The following GLCCI1 variants were observed in gnomAD, a reference collection of about 807,000 sequenced individuals.
GLCCI1 encodes glucocorticoid-induced transcript 1 protein.
Under a neutral mutation model 52.2 loss-of-function variants are expected in GLCCI1, and 24 were observed. The ratio of observed to expected loss-of-function variants is 0.46; its 90% CI spans 0.33 to 0.65. The LOEUF is 0.65. Ranked by LOEUF, GLCCI1 falls within the 30% of genes least tolerant of loss-of-function variation. GLCCI1 has a pLI of 0.02. For synonymous variants in GLCCI1, 310 were observed against 276.5 expected (o/e 1.12, Z -1.20); for missense variants, 704 against 701.5 (o/e 1.00, Z -0.04).
chr7:8,081,034 T>G (rs1451377928), intron 6 of GLCCI1, among the ~76,000 whole-genome samples: 1 of 152,110 alleles, frequency 6.6e-6, no homozygotes, highest in African/African-American at 2.4e-5. Context: ...TATTTTCTAT[T>G]TTATAGATAA....
intron 6 of GLCCI1, among the ~76,000 whole-genome samples, chr7:8,082,682 CA>C (rs1004472854): frequency 1.3e-4 from 20 of 152,292 alleles, no homozygotes; most frequent in Non-Finnish European, 2.4e-4. Context: ...TTAATACCCC[CA>C]AAAAAAGCAG....
Position 8,039,190 on chromosome 7 carries a change from A to G in GLCCI1, c.697-16243A>G, listed in dbSNP as rs544362501. Among the ~76,000 whole-genome samples, 13 of 152,320 alleles carry G rather than the reference A, an allele frequency of 8.5e-5. No individual in the cohort carries two copies. The East Asian group carries it at 2.5e-3, about 29-fold the overall frequency. ...CTACAACCTCTATGCAAAAATATGG[A>G]GATTTCTCACAGAACTAAAAATAGA... On this transcript the variant is annotated intron_variant, in intron 3 of 7. Coordinates refer to ENST00000223145, the MANE Select transcript of GLCCI1 (RefSeq NM_138426.4).
chr7:7,969,813 G>T lies in GLCCI1; in HGVS notation c.457+6G>T. 1 of 1,454,634 alleles carries T rather than the reference G, an allele frequency of 6.9e-7. No homozygotes were observed. The highest frequency in any genetic ancestry group is 1.3e-5 in the South Asian group (1 of 79,440). 90.1% of individuals were successfully genotyped at this position (1,454,634 alleles called of 1,614,324 possible). The stretch of plus-strand genomic sequence containing the variant: ...CGGCTCGCCCGTGTGCAGAGGTAGC[G>T]AGCCCAACCCTCCCGTCCTCCCGGG... On this transcript the variant is annotated splice_donor_region_variant and intron_variant, in intron 1 of 7. Coordinates refer to ENST00000223145, the MANE Select transcript of GLCCI1 (RefSeq NM_138426.4). The surrounding 1 kb of genome is among the most constrained non-coding windows in gnomAD (Gnocchi z 4.9).
chr7:7,971,235 C>G (rs899613369), intron 1 of GLCCI1, among the ~76,000 whole-genome samples: 2 of 152,186 alleles, frequency 1.3e-5, no homozygotes, highest in Non-Finnish European at 2.9e-5. Flanking sequence ...CATCCTCCAG[C>G]AAATCCTGAA....
chr7:7,988,125 GC>G (rs1459347569), intron 1 of GLCCI1, among the ~76,000 whole-genome samples: 6 of 152,082 alleles, frequency 3.9e-5, no homozygotes, highest in African/African-American at 1.4e-4. Flanking sequence ...TCTCCATATG[GC>G]CCCAAATCCC....
chr7:8,008,453 C>A (rs1008573475), intron 2 of GLCCI1, among the ~76,000 whole-genome samples: 1 of 151,930 alleles, frequency 6.6e-6, no homozygotes, highest in Non-Finnish European at 1.5e-5. Flanking sequence ...CCTGCCATCA[C>A]GTCCAGCTAA....
At chr7:8,065,185 T>TG (rs1171406692) in intron 5 of GLCCI1, among the ~76,000 whole-genome samples, 2 of 152,214 alleles carry the variant, frequency 1.3e-5, no homozygotes, top group Non-Finnish European at 2.9e-5. Context: ...AATGTGATTG[T>TG]GTTCTGTATT....
At chr7:8,016,456 G>A (rs1324470275) in intron 2 of GLCCI1, among the ~76,000 whole-genome samples, 2 of 152,088 alleles carry the variant, frequency 1.3e-5, no homozygotes, top group East Asian at 1.9e-4. Context: ...ACGACAGAGC[G>A]AGACTCCATC....
At chr7:8,015,710 A>G (rs1232122824) in intron 2 of GLCCI1, among the ~76,000 whole-genome samples, 5 of 152,360 alleles carry the variant, frequency 3.3e-5, no homozygotes, top group Non-Finnish European at 4.4e-5. Context: ...ATTTTAACCC[A>G]TAACTAAAAT....
At chr7:8,020,995 G>C (rs143371143) in intron 2 of GLCCI1, among the ~76,000 whole-genome samples, 2 of 152,162 alleles carry the variant, frequency 1.3e-5, no homozygotes, top group Middle Eastern at 3.4e-3. Context: ...CCTCTTATCC[G>C]TGGTCTTGCT....
chr7:7,998,866 A>C lies in GLCCI1; in HGVS notation c.458-5042A>C, dbSNP rs1418139385. Among the ~76,000 whole-genome samples, 4 of 152,120 alleles carry C rather than the reference A, an allele frequency of 2.6e-5. No individual in the cohort carries two copies. In the South Asian group the frequency reaches 8.3e-4, roughly 32 times the overall value. ...TATAGTCAAGCTTTTAATGTCTCTA[A>C]ATAGGTTGTTGAATAGGTTGTTGCC... On this transcript the variant is annotated intron_variant, in intron 1 of 7. Coordinates refer to ENST00000223145, the MANE Select transcript of GLCCI1 (RefSeq NM_138426.4).
chr7:8,054,556 T>C (rs1454175409), intron 3 of GLCCI1, among the ~76,000 whole-genome samples: 1 of 152,162 alleles, frequency 6.6e-6, no homozygotes, highest in African/African-American at 2.4e-5. Context: ...ATTTATAGGC[T>C]TTAATACTAA....
chr7:8,014,703 T>A (rs1781340576), intron 2 of GLCCI1, among the ~76,000 whole-genome samples: 1 of 152,224 alleles, frequency 6.6e-6, no homozygotes, highest in African/African-American at 2.4e-5. Context: ...AGTATGTTTT[T>A]GGATTGTAGC....
chr7:7,979,795 T>C (rs1780570987), intron 1 of GLCCI1, among the ~76,000 whole-genome samples: 1 of 152,326 alleles, frequency 6.6e-6, no homozygotes, highest in Non-Finnish European at 1.5e-5. Context: ...AGGAATTGGC[T>C]TTGTCTAAAT....
intron 3 of GLCCI1, among the ~76,000 whole-genome samples, chr7:8,030,199 G>A (rs1208849728): frequency 5.9e-5 from 9 of 152,038 alleles, no homozygotes; most frequent in Admixed American, 1.3e-4. Context: ...AAACAGACCC[G>A]TAGACCAATG....
chr7:7,971,421 TTACA>T (rs1454177535), intron 1 of GLCCI1, among the ~76,000 whole-genome samples: 3 of 152,160 alleles, frequency 2.0e-5, no homozygotes, highest in African/African-American at 4.8e-5. Flanking sequence ...CAGAAAACAG[TTACA>T]TAAATTTTTT....
At chr7:7,981,547 T>A (rs1302118105) in intron 1 of GLCCI1, 1 of 191,490 alleles carries the variant, frequency 5.2e-6, no homozygotes, top group African/African-American at 2.4e-5. Flanking sequence ...GGTCTCGAAT[T>A]CCTGACCTCA....
chr7:8,019,348 T>G (rs1327189659), intron 2 of GLCCI1, among the ~76,000 whole-genome samples: 1 of 152,220 alleles, frequency 6.6e-6, no homozygotes, highest in Non-Finnish European at 1.5e-5. Flanking sequence ...GGCTAGTAGC[T>G]GTTGTATTGG....
rs1334439578 is a variant in GLCCI1, at chr7:7,992,526, T to C, written c.458-11382T>C. ...AATCTGTAGCCTTTATACTTGAAGG[T>C]CACTTTAGCTTTATCAGATATATTT... On this transcript the variant is annotated intron_variant, in intron 1 of 7. Transcript: ENST00000223145. Among the ~76,000 whole-genome samples, 4 of 152,258 alleles carry C rather than the reference T, an allele frequency of 2.6e-5. No individual in the cohort carries two copies. The East Asian group carries it at 7.7e-4, about 29-fold the overall frequency.
Sources: gnomAD v4.1 joint callset for allele counts (sites outside exome capture counted in the v4.1 genomes callset) on GRCh38, gnomAD v4.1.1 for gene constraint, Gnocchi (gnomAD v3.1) non-coding constraint, MANE v1.5 for transcripts, NCBI Gene and HGNC (gene_info 2026-07-23, HGNC 2026-07-21) for gene names.